The following MTTP variants were observed in gnomAD, a reference collection of about 807,000 sequenced individuals.
The protein encoded by MTTP is microsomal triglyceride transfer protein large subunit.
A neutral mutation model predicts 90.6 loss-of-function variants in MTTP; 49 were observed. That is an observed-to-expected ratio of 0.54 (90% CI 0.43 to 0.69). The LOEUF (loss-of-function observed/expected upper bound fraction) is 0.69. MTTP is among the 30% of genes least tolerant of loss of function. The probability of loss-of-function intolerance (pLI) is 0.00; values close to 1 mark genes in which losing one functional copy is unlikely to be tolerated. For missense variants in MTTP, 945 were observed against 1,067.5 expected, an observed-to-expected ratio of 0.89 and a Z score of 1.60; for synonymous variants, 347 against 384.2, an observed-to-expected ratio of 0.90 and a Z score of 1.13.
intron 8 of MTTP, among the ~76,000 whole-genome samples, chr4:99,598,653 C>CTTTT (rs745529189): frequency 2.1e-4 from 17 of 82,544 alleles, no homozygotes; most frequent in East Asian, 3.7e-4. Context: ...TCAAGGAAGT[C>CTTTT]TTTTTTTTTT....
chr4:99,570,735 G>A, upstream of MTTP: 1 of 455,842 alleles, frequency 2.2e-6, no homozygotes, highest in Non-Finnish European at 4.4e-6. Flanking sequence ...TCATAAAACG[G>A]AAGAGGGAGA....
intron 1 of MTTP, among the ~76,000 whole-genome samples, chr4:99,578,160 T>G (rs1039570549): frequency 1.3e-5 from 2 of 152,234 alleles, no homozygotes; most frequent in African/African-American, 4.8e-5. Context: ...CAAAGGAGTA[T>G]TTAAAAAATA....
chr4:99,584,902 A>G (rs921369195), intron 3 of MTTP, among the ~76,000 whole-genome samples: 1 of 152,142 alleles, frequency 6.6e-6, no homozygotes, highest in Non-Finnish European at 1.5e-5. Flanking sequence ...CCTTGCACTG[A>G]ATATTTTATG....
chr4:99,612,301 A>G (rs1725977370), intron 14 of MTTP, among the ~76,000 whole-genome samples: 1 of 152,152 alleles, frequency 6.6e-6, no homozygotes, highest in Admixed American at 6.5e-5. Flanking sequence ...TGGAGGACAG[A>G]AAATATGTAG....
At position 99,581,949 on chromosome 4, in the gene MTTP, C is replaced by T; in HGVS notation, c.106C>T (p.Leu36Phe). 1 of 1,614,128 alleles carries T rather than the reference C, an allele frequency of 6.2e-7. No individual in the cohort carries two copies. The highest frequency in any genetic ancestry group is 1.1e-5 in the South Asian group (1 of 91,084). Residue 36 changes from leucine to phenylalanine, a missense_variant, in exon 2 of 18, where the codon CTC becomes TTC. Leu to Phe is a conservative substitution (Grantham distance 22). Coordinates refer to ENST00000265517, the MANE Select transcript of MTTP (RefSeq NM_001386140.1). ...ATTAAATAATGACCGGCTGTACAAG[C>T]TCACGTACTCCACTGAAGTTCTTCT... ...LSLNNDRLYKLTYSTEVLLDR... is the reference protein window; with the variant it reads ...LSLNNDRLYKFTYSTEVLLDR...
chr4:99,617,848 G>A (rs1218395475), intron 15 of MTTP, among the ~76,000 whole-genome samples: 1 of 152,086 alleles, frequency 6.6e-6, no homozygotes. Flanking sequence ...AAATACTATT[G>A]AGTTCATGTT....
chr4:99,597,265 C>T (rs1259516266), intron 8 of MTTP, 41 bp downstream of exon 8: 1 of 1,605,888 alleles, frequency 6.2e-7, no homozygotes, highest in Non-Finnish European at 8.5e-7. Context: ...CTGTCAGAAA[C>T]ATTTCTGGAT....
intron 17 of MTTP, among the ~76,000 whole-genome samples, chr4:99,621,659 A>G (rs1239904691): frequency 6.6e-6 from 1 of 152,214 alleles, no homozygotes; most frequent in Non-Finnish European, 1.5e-5. Context: ...TGAATTCGCA[A>G]TTTTTAAGTA....
In MTTP at chr4:99,606,997, GA is replaced by G. The variant is rs375598284; in HGVS notation, c.1557+48del. On this transcript the variant is annotated intron_variant, in intron 11 of 17. Transcript: ENST00000265517. ...AAGAATATTTGCAACATTTACAGAA[GA>G]AAAAAAAAAAGCATGCTGAACATGA... is the stretch of plus-strand genomic sequence containing the variant. 0.023 allele frequency: 24,887 copies of G among 1,092,326 alleles called. 6 individuals are homozygous for G. Among genetic ancestry groups the G allele is most frequent in the South Asian group, 0.032 (1,713 of 53,398 alleles). 67.7% of individuals were successfully genotyped at this position (1,092,326 alleles called of 1,614,324 possible). A position where few individuals can be genotyped will look rare whatever the true frequency, so the allele number is the denominator to read the frequency against.
In MTTP at chr4:99,613,034, T is replaced by C; in HGVS notation, c.2111T>C (p.Val704Ala). 6.2e-7 allele frequency: 1 copy of C among 1,614,090 alleles called. No individual in the cohort carries two copies. The highest frequency in any genetic ancestry group is 8.5e-7 in the Non-Finnish European group (1 of 1,179,962). Residue 704 changes from valine (V) to alanine (A), a missense_variant, in exon 15 of 18, where the codon GTC (valine) becomes GCC (alanine). Transcript: ENST00000265517. ...CTCTTTGATGTTCAGCTCAGACCTG[T>C]CACCTTTTTCAACGGATACAGTGAT... ...AILFDVQLRP[V>A]TFFNGYSDLM...
At chr4:99,575,928 G>A (rs890374199) in intron 1 of MTTP, among the ~76,000 whole-genome samples, 6 of 152,138 alleles carry the variant, frequency 3.9e-5, no homozygotes, top group Admixed American at 1.3e-4. Context: ...AGGGATAAAT[G>A]TGGCTTTTGA....
At chr4:99,573,384 C>T (rs1724880421), upstream of MTTP, among the ~76,000 whole-genome samples, 2 of 152,098 alleles carry the variant, frequency 1.3e-5, no homozygotes, top group African/African-American at 4.8e-5. Flanking sequence ...CCCTACTCTT[C>T]ATAAAAACTT....
In MTTP at chr4:99,606,774, C is replaced by T. The variant is rs764400215; in HGVS notation, c.1371C>T (p.Ile457=). The T allele has an allele frequency of 3.1e-6, 5 of 1,613,610 alleles. No individual in the cohort carries two copies. In the Admixed American group the frequency reaches 8.3e-5, roughly 27 times the overall value. The change falls in exon 11 of 18, where the codon ATC becomes ATT. Residue 457 remains isoleucine (I), a synonymous_variant. Transcript: ENST00000265517. ...LKAVVEAKKL[I]LGGLEKAEKK... ...CAGTAGTGGAAGCTAAGAAGTTAAT[C>T]CTGGGAGGACTTGAAAAAGCAGAGA...
chr4:99,601,286 T>C (rs1725688937), intron 9 of MTTP, among the ~76,000 whole-genome samples: 1 of 151,768 alleles, frequency 6.6e-6, no homozygotes, highest in South Asian at 2.1e-4. Flanking sequence ...GGCCCCTTTT[T>C]ACTCATACAT....
chr4:99,584,155 A>G (rs1725197769), intron 3 of MTTP: 1 of 152,170 alleles, frequency 6.6e-6, no homozygotes, highest in Non-Finnish European at 1.5e-5. Context: ...GATTCTAGTC[A>G]ATTGAAATGG....
Position 99,597,173 on chromosome 4 carries a change from C to T in MTTP, c.1016C>T (p.Ala339Val), listed in dbSNP as rs137956833. ...GCCTTCATTCAGCACCTCAGGACTG[C>T]GAAGAAAGAAGAGATCCTTCAAATA... ...FLAFIQHLRT[A>V]KKEEILQILK... Residue 339 changes from alanine (A) to valine (V), a missense_variant, in exon 8 of 18, where the codon GCG becomes GTG. Transcript: ENST00000265517. 10 of 1,613,744 alleles carry T rather than the reference C, an allele frequency of 6.2e-6. No homozygotes were observed. The highest frequency in any genetic ancestry group is 2.2e-5 in the East Asian group (1 of 44,868).
chr4:99,601,164 T>C (rs1725686480), intron 9 of MTTP, among the ~76,000 whole-genome samples: 1 of 152,168 alleles, frequency 6.6e-6, no homozygotes. Context: ...TAGACTTCTC[T>C]TGTGTCCAAG....
chr4:99,583,336 G>C lies in MTTP; in HGVS notation c.250-38G>C, dbSNP rs765633758. 14 of 1,608,374 alleles carry C rather than the reference G, an allele frequency of 8.7e-6. No homozygotes were observed. The African/African-American group carries it at 1.6e-4, about 18-fold the overall frequency. Reference sequence around the variant, plus strand: ...AGATACTCTGATGAAGACAGATATAGGAAGTTTTTTTTAACAGCTTTCTTT... The same window carrying C: ...AGATACTCTGATGAAGACAGATATACGAAGTTTTTTTTAACAGCTTTCTTT... On this transcript the variant is annotated intron_variant, in intron 2 of 17. Transcript: ENST00000265517.
intron 15 of MTTP, among the ~76,000 whole-genome samples, chr4:99,615,395 T>C (rs115675028): frequency 0.043 from 6,553 of 152,342 alleles, 154 homozygotes; most frequent in Non-Finnish European, 0.056. Context: ...GATTATCTTG[T>C]ACAGTTTTTC....
Sources: allele counts gnomAD v4.1 joint callset (sites outside exome capture counted in the v4.1 genomes callset), GRCh38; gene constraint gnomAD v4.1.1; transcripts MANE v1.5; gene names NCBI Gene and HGNC (gene_info 2026-07-23, HGNC 2026-07-21).